NSUN2: variants seen among roughly 807,000 people sequenced by gnomAD.
NSUN2 encodes RNA cytosine C(5)-methyltransferase NSUN2.
Under a neutral mutation model 92.7 loss-of-function variants are expected in NSUN2, and 63 were observed. The observed-to-expected ratio is 0.68, with a 90% CI of 0.56 to 0.84. NSUN2 has a LOEUF of 0.84. NSUN2 is among the 40% of genes least tolerant of loss of function. The pLI is 0.00. For synonymous variants in NSUN2, 356 were observed against 348.3 expected, an observed-to-expected ratio of 1.02 and a Z score of -0.25; for missense variants, 989 against 964.9, an observed-to-expected ratio of 1.02 and a Z score of -0.33.
In NSUN2 at chr5:6,599,947, C is replaced by A; in HGVS notation, c.2283G>T (p.Ala761=). ...SPDVTAGCDP[A]GVHPPR is the part of the protein sequence containing the mutation. ...CTGCTCACCGGGGTGGATGGACCCC[C>A]GCCGGGTCACAGCCTGCTGTCACGT... The change falls in exon 19 of 19, where the codon GCG becomes GCT. Residue 761 remains alanine (A), a synonymous_variant. Coordinates refer to ENST00000264670, the MANE Select transcript of NSUN2 (RefSeq NM_017755.6). 1 of 1,613,498 alleles carries A rather than the reference C, an allele frequency of 6.2e-7. No individual in the cohort carries two copies. The highest frequency in any genetic ancestry group is 8.5e-7 in the Non-Finnish European group (1 of 1,179,980).
rs765060139 is a variant in NSUN2, at chr5:6,604,204, A to G, written c.1891T>C (p.Leu631=). 75 of 1,612,958 alleles carry G rather than the reference A, an allele frequency of 4.6e-5. No homozygotes were observed. The highest frequency in any genetic ancestry group is 6.0e-5 in the Non-Finnish European group (71 of 1,179,016). ...CTAAAAAAGGGATTTTCCTGGGTCA[A>G]CAGTATCTTAACATCTTCCATTGAT... The part of the protein sequence containing the change: ...TVSMEDVKIL[L]TQENPFFRKL... Residue 631 remains leucine, a synonymous_variant, in exon 17 of 19, where the codon TTG becomes CTG. Coordinates refer to ENST00000264670, the MANE Select transcript of NSUN2 (RefSeq NM_017755.6).
chr5:6,613,131 C>G (rs1406102615), intron 9 of NSUN2, among the ~76,000 whole-genome samples: 1 of 152,224 alleles, frequency 6.6e-6, no homozygotes, highest in Non-Finnish European at 1.5e-5. Context: ...GGAAACCCAC[C>G]TGTCCAGTAA....
chr5:6,617,799 A>G (rs1214196680), intron 8 of NSUN2, 151 bp downstream of exon 8: 7 of 514,544 alleles, frequency 1.4e-5, no homozygotes, highest in Admixed American at 3.7e-5. Context: ...AGGTTTTCAA[A>G]TAACTTCTGA....
intron 12 of NSUN2, among the ~76,000 whole-genome samples, chr5:6,609,087 GT>G (rs972868842): frequency 6.6e-6 from 1 of 152,158 alleles, no homozygotes; most frequent in African/African-American, 2.4e-5. Flanking sequence ...TTGCGGAACT[GT>G]TTCCTTTTTG....
At chr5:6,603,798 C>T (rs1579353673) in intron 17 of NSUN2, 1 of 216,234 alleles carries the variant, frequency 4.6e-6, no homozygotes, top group East Asian at 1.2e-4. Context: ...GGGAGGCTTG[C>T]CAGGGCTGCT....
Position 6,607,859 on chromosome 5 carries a change from T to C in NSUN2, c.1324-475A>G, listed in dbSNP as rs1486390751. 2.0e-5 allele frequency among the ~76,000 whole-genome samples: 3 copies of C among 152,030 alleles called. No individual in the cohort carries two copies. In the East Asian group the frequency reaches 5.8e-4, roughly 29 times the overall value. On this transcript the variant is annotated intron_variant, in intron 12 of 18. Coordinates refer to ENST00000264670, the MANE Select transcript of NSUN2 (RefSeq NM_017755.6). Reference sequence around the variant, plus strand: ...CACAGGAACTGGGAGAAAGAGAGAGTGCCCCAGGCACCAAGGAAACACCTG... The same window carrying C: ...CACAGGAACTGGGAGAAAGAGAGAGCGCCCCAGGCACCAAGGAAACACCTG...
At chr5:6,604,437 G>C (rs1736678418) in intron 16 of NSUN2, among the ~76,000 whole-genome samples, 161 bp from the exon 17 acceptor site, 1 of 151,958 alleles carries the variant, frequency 6.6e-6, no homozygotes, top group Non-Finnish European at 1.5e-5. Flanking sequence ...CCTAGGAGGG[G>C]AAACCAGCAC....
Position 6,600,105 on chromosome 5 carries a change from C to T in NSUN2, c.2125G>A (p.Glu709Lys), listed in dbSNP as rs752991185. 1.1e-5 allele frequency: 18 copies of T among 1,614,238 alleles called. No individual in the cohort carries two copies. Among genetic ancestry groups the T allele is most frequent in the Non-Finnish European group, 1.3e-5 (15 of 1,180,038 alleles). The stretch of plus-strand genomic sequence containing the variant: ...AGGATAACCCCTTCCTTCTTCTTTT[C>T]TCCCAATACCTCCAGCCCCATCATC... ...LRMMGLEVLG[E>K]KKKEGVILTN... The change falls in exon 19 of 19, where the codon GAA (glutamate) becomes AAA (lysine). Residue 709 changes from glutamate to lysine, a missense_variant. Glu to Lys is a moderately conservative substitution (Grantham distance 56, BLOSUM62 1). This residue lies in a region of NSUN2 where 626 missense variants were observed against 602.3 expected (regional missense o/e 1.04). Transcript: ENST00000264670.
chr5:6,605,447 C>CA, intron 14 of NSUN2, 39 bp from the exon 15 acceptor site: 1 of 1,602,182 alleles, frequency 6.2e-7, no homozygotes. Flanking sequence ...ACAATGAGTT[C>CA]AAAATCTGGT....
chr5:6,630,055 C>T (rs953186062), intron 3 of NSUN2, among the ~76,000 whole-genome samples: 1 of 152,162 alleles, frequency 6.6e-6, no homozygotes, highest in Non-Finnish European at 1.5e-5. Flanking sequence ...CAATCAGTGT[C>T]GTCAATCAAA....
intron 17 of NSUN2, among the ~76,000 whole-genome samples, chr5:6,603,514 A>AC (rs1349095749): frequency 2.0e-5 from 3 of 152,072 alleles, no homozygotes; most frequent in Non-Finnish European, 2.9e-5. Flanking sequence ...ACACGGTGAA[A>AC]CCCCGTCTCT....
rs867059599 is a variant in NSUN2, at chr5:6,600,117, C to G, written c.2113G>C (p.Glu705Gln). The G allele has an allele frequency of 6.2e-7, 1 of 1,614,194 alleles. No homozygotes were observed. Among genetic ancestry groups the G allele is most frequent in the African/African-American group, 1.3e-5 (1 of 75,036 alleles). The change falls in exon 19 of 19, where the codon GAG becomes CAG. Residue 705 changes from glutamate (E) to glutamine (Q), a missense_variant. Around this residue, in one of 3 missense-constraint regions of NSUN2, gnomAD observed 626 missense variants for 602.3 expected, o/e 1.04. Coordinates refer to ENST00000264670, the MANE Select transcript of NSUN2 (RefSeq NM_017755.6). ...RLHYLRMMGL[E>Q]VLGEKKKEGV... ...TCCTTCTTCTTTTCTCCCAATACCT[C>G]CAGCCCCATCATCCTGAGATAATGA...
chr5:6,606,132 G>C (rs1736759859), intron 14 of NSUN2, among the ~76,000 whole-genome samples: 1 of 152,152 alleles, frequency 6.6e-6, no homozygotes, highest in Non-Finnish European at 1.5e-5. Context: ...TCTATATTCT[G>C]TCTATGTCAT....
At chr5:6,626,821 G>A (rs1737675451) in intron 3 of NSUN2, among the ~76,000 whole-genome samples, 1 of 152,206 alleles carries the variant, frequency 6.6e-6, no homozygotes, top group Non-Finnish European at 1.5e-5. Flanking sequence ...CTGAGATGCA[G>A]TAATACACTC....
intron 4 of NSUN2, among the ~76,000 whole-genome samples, chr5:6,624,893 T>C (rs1282165278): frequency 6.6e-6 from 1 of 152,174 alleles, no homozygotes; most frequent in African/African-American, 2.4e-5. Flanking sequence ...TGGGCATTCA[T>C]TGAATTATTT....
rs759502536 is a variant in NSUN2, at chr5:6,609,808, G to A, written c.1323+18C>T. On this transcript the variant is annotated intron_variant, in intron 12 of 18. Coordinates refer to ENST00000264670, the MANE Select transcript of NSUN2 (RefSeq NM_017755.6). ...ACAAGATCAAATGTTATGTCATTTTGGAAAAAGAAAAACTCACCTTTGGCT... is the reference window on the plus strand; with the variant it reads ...ACAAGATCAAATGTTATGTCATTTTAGAAAAAGAAAAACTCACCTTTGGCT... The A allele has an allele frequency of 1.3e-6, 2 of 1,586,596 alleles. No individual in the cohort carries two copies. Among genetic ancestry groups the A allele is most frequent in the Admixed American group, 1.7e-5 (1 of 58,396 alleles).
intron 7 of NSUN2, 54 bp downstream of exon 7, chr5:6,620,052 A>T (rs1737373116): frequency 1.4e-6 from 2 of 1,394,296 alleles, no homozygotes; most frequent in Admixed American, 4.7e-5. Context: ...TTTAGTCTCT[A>T]TTTGACTTGA....
At chr5:6,625,326 CAAGA>C (rs1482010327) in intron 4 of NSUN2, among the ~76,000 whole-genome samples, 1 of 152,270 alleles carries the variant, frequency 6.6e-6, no homozygotes, top group African/African-American at 2.4e-5. Flanking sequence ...CAAGAGGAAA[CAAGA>C]AATTAACTAG....
At position 6,600,055 on chromosome 5, in the gene NSUN2, G is replaced by T. The variant is rs930773662; in HGVS notation, c.2175C>A (p.Thr725=). The T allele has an allele frequency of 3.1e-6, 5 of 1,614,106 alleles. No individual in the cohort carries two copies. Among genetic ancestry groups the T allele is most frequent in the Non-Finnish European group, 4.2e-6 (5 of 1,180,046 alleles). ...CAGTCACGTCATTGTCTGGCTGTCC[G>T]GTGCTGGCTGCACTCTCATTTGTGA... ...VILTNESAAS[T]GQPDNDVTEG... Residue 725 remains threonine (T), a synonymous_variant, in exon 19 of 19, where the codon ACC becomes ACA. Coordinates refer to ENST00000264670, the MANE Select transcript of NSUN2 (RefSeq NM_017755.6).
Sources: allele counts gnomAD v4.1 joint callset (sites outside exome capture counted in the v4.1 genomes callset), GRCh38; gene constraint gnomAD v4.1.1; regional missense constraint gnomAD v4.1.1; transcripts MANE v1.5; gene names NCBI Gene and HGNC (gene_info 2026-07-23, HGNC 2026-07-21).